The following ADAMTS6 variants were observed in gnomAD, a reference collection of about 807,000 sequenced individuals.
ADAMTS6 encodes the protein ADAM metallopeptidase with thrombospondin type 1 motif 6.
Under a neutral mutation model 144.3 loss-of-function variants are expected in ADAMTS6, and 23 were observed. That is an observed-to-expected ratio of 0.16 (90% CI 0.11 to 0.23). The LOEUF (loss-of-function observed/expected upper bound fraction) is 0.23, where lower values mean the gene tolerates loss of function less well. Among genes scored for constraint, ADAMTS6 ranks in the 10% least tolerant of loss-of-function variants. The probability of loss-of-function intolerance (pLI) is 1.00; values close to 1 mark genes in which losing one functional copy is unlikely to be tolerated. For missense variants in ADAMTS6, 999 were observed against 1,379.6 expected, an observed-to-expected ratio of 0.72 and a Z score of 4.37; for synonymous variants, 444 against 457.5, an observed-to-expected ratio of 0.97 and a Z score of 0.38.
intron 7 of ADAMTS6, among the ~76,000 whole-genome samples, chr5:65,424,414 T>G (rs1295703109): frequency 3.9e-5 from 6 of 152,244 alleles, no homozygotes; most frequent in Admixed American, 6.5e-5. Context: ...AATTGGGACT[T>G]TAAAAAACTG....
chr5:65,442,439 G>C (rs530819209), intron 7 of ADAMTS6, among the ~76,000 whole-genome samples: 2 of 152,188 alleles, frequency 1.3e-5, no homozygotes, highest in East Asian at 3.9e-4. Flanking sequence ...TCCTAGTGCA[G>C]ATGGCTTCTT....
intron 20 of ADAMTS6, 42 bp from the exon 21 acceptor site, chr5:65,197,193 C>T (rs1476814722): frequency 6.2e-7 from 1 of 1,605,950 alleles, no homozygotes; most frequent in South Asian, 1.1e-5. Context: ...AGAAGTTTAC[C>T]TTCCATTAAG....
chr5:65,243,997 TAGCATATGAC>T (rs1396554335), intron 14 of ADAMTS6, among the ~76,000 whole-genome samples: 3 of 152,074 alleles, frequency 2.0e-5, no homozygotes, highest in Non-Finnish European at 4.4e-5. Flanking sequence ...GCAATATATA[TAGCATATGAC>T]AGCATGTTAC....
intron 7 of ADAMTS6, among the ~76,000 whole-genome samples, chr5:65,438,682 A>G (rs920696342): frequency 7.9e-5 from 12 of 152,212 alleles, no homozygotes; most frequent in Non-Finnish European, 1.2e-4. Flanking sequence ...GCTGTTGGCC[A>G]TCTTCTCCCT....
At chr5:65,346,173 C>G (rs1352084182) in intron 7 of ADAMTS6, among the ~76,000 whole-genome samples, 1 of 151,798 alleles carries the variant, frequency 6.6e-6, no homozygotes, top group African/African-American at 2.4e-5. Flanking sequence ...CAAAGCCAGA[C>G]AAGAACATTA....
intron 24 of ADAMTS6, among the ~76,000 whole-genome samples, chr5:65,164,203 G>T (rs1752986581): frequency 6.6e-6 from 1 of 151,880 alleles, no homozygotes; most frequent in Non-Finnish European, 1.5e-5. Context: ...GCAGGGCGAG[G>T]CATTGCCTCA....
intron 7 of ADAMTS6, among the ~76,000 whole-genome samples, chr5:65,400,539 T>C (rs1238008436): frequency 6.6e-6 from 1 of 152,178 alleles, no homozygotes; most frequent in Non-Finnish European, 1.5e-5. Flanking sequence ...TTCTGTGATT[T>C]TCTGTAATTT....
chr5:65,213,206 T>C (rs939613976), intron 20 of ADAMTS6, among the ~76,000 whole-genome samples: 1 of 152,234 alleles, frequency 6.6e-6, no homozygotes, highest in Non-Finnish European at 1.5e-5. Context: ...GAATTATACA[T>C]AACCATGTTT....
intron 15 of ADAMTS6, among the ~76,000 whole-genome samples, chr5:65,230,792 CACATATGTATGAAATATATATATAAT>C (rs1758163499): frequency 3.1e-5 from 2 of 64,378 alleles, no homozygotes; most frequent in East Asian, 4.3e-4. Flanking sequence ...ATATATATAA[CACATATGTATGAAATATATATATAAT>C]ACATATGTAT....
At chr5:65,172,594 G>A (rs1229002736) in intron 23 of ADAMTS6, among the ~76,000 whole-genome samples, 1 of 152,178 alleles carries the variant, frequency 6.6e-6, no homozygotes, top group Non-Finnish European at 1.5e-5. Context: ...CAATGGATCT[G>A]AAGAATAGAA....
intron 9 of ADAMTS6, among the ~76,000 whole-genome samples, chr5:65,327,391 GA>G (rs1471094823): frequency 2.0e-5 from 3 of 151,920 alleles, no homozygotes; most frequent in Non-Finnish European, 4.4e-5. Context: ...AAGGGGGATA[GA>G]AACATGGTGA....
At chr5:65,201,847 T>C (rs578020654) in intron 20 of ADAMTS6, among the ~76,000 whole-genome samples, 5 of 152,268 alleles carry the variant, frequency 3.3e-5, no homozygotes, top group African/African-American at 9.6e-5. Flanking sequence ...ACAGCATCCA[T>C]AGTAGCTAGC....
At chr5:65,317,579 G>C (rs2112867086) in intron 9 of ADAMTS6, among the ~76,000 whole-genome samples, 1 of 152,262 alleles carries the variant, frequency 6.6e-6, no homozygotes, top group African/African-American at 2.4e-5. Flanking sequence ...AAGTTAAAAA[G>C]CTTCTGCACA....
chr5:65,252,219 A>G (rs57955326), intron 14 of ADAMTS6, among the ~76,000 whole-genome samples: 11,901 of 152,214 alleles, frequency 0.078, 519 homozygotes, highest in East Asian at 0.11. Context: ...TCCTTTTCTC[A>G]TGACCACAAG....
chr5:65,236,520 C>A (rs1353924888), intron 15 of ADAMTS6, among the ~76,000 whole-genome samples: 1 of 152,134 alleles, frequency 6.6e-6, no homozygotes, highest in Non-Finnish European at 1.5e-5. Context: ...CTCCTGGGCT[C>A]AGGAAATCCT....
chr5:65,383,680 A>G (rs1050175649), intron 7 of ADAMTS6, among the ~76,000 whole-genome samples: 12 of 152,140 alleles, frequency 7.9e-5, no homozygotes, highest in African/African-American at 2.4e-4. Flanking sequence ...TGATTCCTCT[A>G]CTGCTCTGGG....
chr5:65,473,868 CA>C lies in ADAMTS6; in HGVS notation c.-196del, dbSNP rs1561577241. 6.2e-6 allele frequency: 3 copies of C among 485,854 alleles called. No individual in the cohort carries two copies. The highest frequency in any genetic ancestry group is 1.1e-5 in the Non-Finnish European group (3 of 272,214). The allele number at this position is 485,854 out of a possible 1,614,324, so 30.1% of individuals were successfully genotyped here. ...TATATCTGGATTCATTTTCTCAATCCAAAATGAAAAAAATAATGATGGTAAA... is the reference window on the plus strand; with the variant it reads ...TATATCTGGATTCATTTTCTCAATCCAAATGAAAAAAATAATGATGGTAAA... On this transcript the variant is annotated 5_prime_UTR_variant, in exon 2 of 25. An upstream open reading frame in the 5' UTR loses its in-frame stop. Transcript: ENST00000381055.
chr5:65,468,023 C>T (rs531738956), intron 3 of ADAMTS6, among the ~76,000 whole-genome samples: 5 of 151,748 alleles, frequency 3.3e-5, no homozygotes, highest in African/African-American at 1.2e-4. Context: ...TATTTTTTTT[C>T]GCACTGAGAA....
intron 7 of ADAMTS6, among the ~76,000 whole-genome samples, chr5:65,419,021 A>G (rs1472808470): frequency 6.6e-6 from 1 of 152,198 alleles, no homozygotes; most frequent in Non-Finnish European, 1.5e-5. Flanking sequence ...CCGAATTACC[A>G]TTTGACCCAG....
Sources: gnomAD v4.1 joint callset for allele counts (sites outside exome capture counted in the v4.1 genomes callset) on GRCh38, gnomAD v4.1.1 for gene constraint, MANE v1.5 for transcripts, NCBI Gene and HGNC (gene_info 2026-07-23, HGNC 2026-07-21) for gene names.